The following PEBP4 variants were observed in gnomAD, a reference collection of about 807,000 sequenced individuals.
The protein encoded by PEBP4 is phosphatidylethanolamine-binding protein 4.
Under a neutral mutation model 23.9 loss-of-function variants are expected in PEBP4, and 22 were observed. The ratio of observed to expected loss-of-function variants is 0.92; its 90% CI spans 0.66 to 1.31. The LOEUF is 1.31. Among genes scored for constraint, PEBP4 ranks in the 40% most tolerant of loss-of-function variants. The pLI, the probability that PEBP4 is intolerant of heterozygous loss-of-function variation, is 0.00. For missense variants in PEBP4, 324 were observed against 281.7 expected, an observed-to-expected ratio of 1.15 and a Z score of -1.07; for synonymous variants, 112 against 99.3, an observed-to-expected ratio of 1.13 and a Z score of -0.76.
At chr8:22,736,597 T>A (rs1804864843) in intron 4 of PEBP4, among the ~76,000 whole-genome samples, 1 of 152,144 alleles carries the variant, frequency 6.6e-6, no homozygotes, top group African/African-American at 2.4e-5. Flanking sequence ...ACAGAGTGAC[T>A]CGGTCTCAAA....
At chr8:22,862,001 C>T (rs951336147) in intron 3 of PEBP4, among the ~76,000 whole-genome samples, 1 of 152,164 alleles carries the variant, frequency 6.6e-6, no homozygotes, top group African/African-American at 2.4e-5. Flanking sequence ...TTAATTTCTC[C>T]TGCATGTTTA....
chr8:22,903,314 A>T (rs1260568419), intron 3 of PEBP4, among the ~76,000 whole-genome samples: 2 of 152,226 alleles, frequency 1.3e-5, no homozygotes, highest in Non-Finnish European at 2.9e-5. Flanking sequence ...TTTCTCATCT[A>T]TAAAACGGGG....
At chr8:22,770,052 C>T (rs542895411) in intron 4 of PEBP4, among the ~76,000 whole-genome samples, 51 of 152,316 alleles carry the variant, frequency 3.3e-4, no homozygotes, top group Non-Finnish European at 6.8e-4. Flanking sequence ...ACTCTGCCTT[C>T]GAAATGCTTC....
At chr8:22,784,703 C>T (rs1355444321) in intron 4 of PEBP4, among the ~76,000 whole-genome samples, 1 of 152,154 alleles carries the variant, frequency 6.6e-6, no homozygotes, top group Non-Finnish European at 1.5e-5. Flanking sequence ...AGTTATTAGC[C>T]CTTGCATGTT....
intron 3 of PEBP4, among the ~76,000 whole-genome samples, chr8:22,840,844 GACAA>G (rs1807312293): frequency 6.6e-6 from 1 of 152,108 alleles, no homozygotes; most frequent in East Asian, 1.9e-4. Context: ...ACACACATGA[GACAA>G]ACAATAAATG....
Position 22,781,125 on chromosome 8 carries a change from CTCAGGTGTCCTGT to C in PEBP4, c.357+36499_357+36511del, listed in dbSNP as rs556498059. On this transcript the variant is annotated intron_variant, in intron 4 of 6. Coordinates refer to ENST00000256404, the MANE Select transcript of PEBP4 (RefSeq NM_144962.3). ...ACCCTTTGCCCCCTGCTGGACTGAC[CTCAGGTGTCCTGT>C]TCAGAGCAGAGGTGACAGAACCTTT... Among the ~76,000 whole-genome samples the C allele has an allele frequency of 8.5e-3, 1,302 of 152,366 alleles. 19 individuals are homozygous for C. Among genetic ancestry groups the C allele is most frequent in the African/African-American group, 0.03 (1,233 of 41,580 alleles).
chr8:22,894,976 A>G (rs1808562851), intron 3 of PEBP4, among the ~76,000 whole-genome samples: 1 of 152,232 alleles, frequency 6.6e-6, no homozygotes, highest in Non-Finnish European at 1.5e-5. Context: ...GACCTATTCT[A>G]GAATCAGATT....
chr8:22,724,631 T>C (rs1804586205), intron 6 of PEBP4, among the ~76,000 whole-genome samples: 1 of 152,222 alleles, frequency 6.6e-6, no homozygotes, highest in African/African-American at 2.4e-5. Context: ...TACACTGGTC[T>C]GTGGGACTTA....
At chr8:22,769,911 C>T (rs538225140) in intron 4 of PEBP4, among the ~76,000 whole-genome samples, 8 of 152,282 alleles carry the variant, frequency 5.3e-5, no homozygotes, top group Admixed American at 2.6e-4. Context: ...AAGTCAGTCC[C>T]GGCCTGTGCT....
At chr8:22,809,796 A>G (rs914254994) in intron 4 of PEBP4, among the ~76,000 whole-genome samples, 2 of 151,984 alleles carry the variant, frequency 1.3e-5, no homozygotes, top group Non-Finnish European at 2.9e-5. Context: ...TGTTGTTGTT[A>G]ATATGTTCTA....
rs1585291620 is a variant in PEBP4 at position 22,821,283 on chromosome 8, C to T, written c.259-3548G>A. Among the ~76,000 whole-genome samples, 3 of 152,254 alleles carry T rather than the reference C, an allele frequency of 2.0e-5. No homozygotes were observed. In the South Asian group the frequency reaches 6.2e-4, roughly 32 times the overall value. Reference sequence around the variant, plus strand: ...AAGCAGAGCAAAAAATCCAAACAAACCCTGAAAACTGCAATACTCTGGAGA... The same window carrying T: ...AAGCAGAGCAAAAAATCCAAACAAATCCTGAAAACTGCAATACTCTGGAGA... On this transcript the variant is annotated intron_variant, in intron 3 of 6. Coordinates refer to ENST00000256404, the MANE Select transcript of PEBP4 (RefSeq NM_144962.3).
At chr8:22,922,471 T>C (rs1809226048) in intron 2 of PEBP4, among the ~76,000 whole-genome samples, 1 of 81,372 alleles carries the variant, frequency 1.2e-5, no homozygotes. Context: ...ATGCCTATAA[T>C]CTCAGCTCTT....
chr8:22,792,582 A>G (rs1366167780), intron 4 of PEBP4, among the ~76,000 whole-genome samples: 1 of 151,820 alleles, frequency 6.6e-6, no homozygotes, highest in Non-Finnish European at 1.5e-5. Flanking sequence ...AGCTCATCCT[A>G]CCTTCTGTGT....
At chr8:22,757,603 G>T (rs1191405767) in intron 4 of PEBP4, 1 of 152,184 alleles carries the variant, frequency 6.6e-6, no homozygotes, top group African/African-American at 2.4e-5. Context: ...CAGCTAGCGG[G>T]AGAGCTGCAA....
At chr8:22,786,154 T>C (rs1288751228) in intron 4 of PEBP4, among the ~76,000 whole-genome samples, 3 of 152,220 alleles carry the variant, frequency 2.0e-5, no homozygotes, top group Non-Finnish European at 2.9e-5. Flanking sequence ...AAACCGTTTG[T>C]TCTGGAGGGG....
intron 4 of PEBP4, among the ~76,000 whole-genome samples, chr8:22,798,799 G>A (rs551274190): frequency 1.0e-4 from 14 of 139,270 alleles, no homozygotes; most frequent in African/African-American, 2.4e-4. Context: ...GTGCAGTGGC[G>A]TGATCTCAGC....
intron 4 of PEBP4, among the ~76,000 whole-genome samples, chr8:22,765,698 G>A (rs1437470692): frequency 6.6e-6 from 1 of 152,254 alleles, no homozygotes; most frequent in Non-Finnish European, 1.5e-5. Flanking sequence ...ATGTGAGTGT[G>A]TGTATAGGTT....
chr8:22,860,196 A>ATATATACACATATATATGTG lies in PEBP4; in HGVS notation c.259-42462_259-42461insCACATATATATGTGTATATA, dbSNP rs1563240365. On this transcript the variant is annotated intron_variant, in intron 3 of 6. Coordinates refer to ENST00000256404, the MANE Select transcript of PEBP4 (RefSeq NM_144962.3). ...TATATATATACACATATATATGTAT[A>ATATATACACATATATATGTG]TATATATATACACATATATGTATAT... Among the ~76,000 whole-genome samples, 28 of 52,818 alleles carry ATATATACACATATATATGTG rather than the reference A, an allele frequency of 5.3e-4. 2 individuals are homozygous for ATATATACACATATATATGTG. Among genetic ancestry groups the ATATATACACATATATATGTG allele is most frequent in the African/African-American group, 1.1e-3 (27 of 25,360 alleles). 34.7% of individuals were successfully genotyped at this position (52,818 alleles called of 152,430 possible).
intron 3 of PEBP4, among the ~76,000 whole-genome samples, chr8:22,828,708 A>G (rs748603664): frequency 2.0e-4 from 31 of 152,186 alleles, no homozygotes; most frequent in Admixed American, 3.9e-4. Flanking sequence ...CTTGGTTGCT[A>G]CATTCACCAA....
Sources: allele counts gnomAD v4.1 joint callset (sites outside exome capture counted in the v4.1 genomes callset), GRCh38; gene constraint gnomAD v4.1.1; transcripts MANE v1.5; gene names NCBI Gene and HGNC (gene_info 2026-07-23, HGNC 2026-07-21).